Variants in EPC1 observed in about 807,000 individuals in gnomAD.
EPC1 encodes the protein enhancer of polycomb 1.
A neutral mutation model predicts 98.4 loss-of-function variants in EPC1; 12 were observed. The ratio of observed to expected loss-of-function variants is 0.12; its 90% confidence interval spans 0.08 to 0.20. The LOEUF is 0.20. Among genes scored for constraint, EPC1 ranks in the 10% least tolerant of loss-of-function variants. The pLI is 1.00. For missense variants in EPC1, 729 were observed against 990.5 expected (o/e 0.74, Z 3.54); for synonymous variants, 357 against 363.9 (o/e 0.98, Z 0.21).
Position 32,271,694 on chromosome 10 carries a change from T to C in EPC1, c.2229A>G (p.Val743=). Residue 743 remains valine, a synonymous_variant, in exon 13 of 14, where the codon GTA becomes GTG. Coordinates refer to ENST00000319778, the MANE Select transcript of EPC1 (RefSeq NM_001272004.3). ...GTGCATTTATTGGGGCAATAGAGTT[T>C]ACAGTGGCAACTGATGAAGGTACAG... ...RLTVPSSVAT[V]NSIAPINARH... 6.2e-7 allele frequency: 1 copy of C among 1,614,228 alleles called. No individual in the cohort carries two copies. The highest frequency in any genetic ancestry group is 8.5e-7 in the Non-Finnish European group (1 of 1,180,034).
rs151325447 is a variant in EPC1 at position 32,363,869 on chromosome 10, A to G, written c.3+14622T>C. 9.3e-3 allele frequency among the ~76,000 whole-genome samples: 1,410 copies of G among 152,150 alleles called. 20 individuals are homozygous for G. Among genetic ancestry groups the G allele is most frequent in the African/African-American group, 0.032 (1,346 of 41,520 alleles). On this transcript the variant is annotated intron_variant, in intron 1 of 13. Transcript: ENST00000375110. ...CAATAGCTCTTCAGCATGAATTTTG[A>G]ACTATCCTCTGTATAATGGTCTTTC...
In EPC1 at chr10:32,353,910, A is replaced by G. The variant is rs559349594; in HGVS notation, c.3+24581T>C. ...AATGACTGCAAACAATTCTTCCACC[A>G]TAACATTTAGGTAAACAAACACTGG... is the stretch of plus-strand genomic sequence containing the variant. On this transcript the variant is annotated intron_variant, in intron 1 of 13. Coordinates refer to the EPC1 transcript ENST00000375110. Among the ~76,000 whole-genome samples, 55 of 152,328 alleles carry G rather than the reference A, an allele frequency of 3.6e-4. 1 individual carries two copies. The highest frequency in any genetic ancestry group is 1.2e-3 in the African/African-American group (49 of 41,574).
rs1482922522 is a variant in EPC1 at position 32,312,595 on chromosome 10, A to AC, written c.154-6665dup. ...GTTAACCATCTCTCCCTACACCTGC[A>AC]CCCCCAATCTAAGCAACATAAGAGA... On this transcript the variant is annotated intron_variant, in intron 1 of 13. Transcript: ENST00000319778. 1.6e-4 allele frequency among the ~76,000 whole-genome samples: 25 copies of AC among 152,080 alleles called. No individual in the cohort carries two copies. In the South Asian group the frequency reaches 5.2e-3, roughly 32 times the overall value.
intron 2 of EPC1, among the ~76,000 whole-genome samples, chr10:32,300,416 T>C (rs1483544525): frequency 1.3e-5 from 2 of 150,764 alleles, no homozygotes; most frequent in African/African-American, 2.4e-5. Flanking sequence ...ATTTTTTCTA[T>C]AGTGTATCAA....
At position 32,270,930 on chromosome 10, in the gene EPC1, C is replaced by A. The variant is rs188396876; in HGVS notation, c.2369+624G>T. Among the ~76,000 whole-genome samples the A allele has an allele frequency of 3.6e-3, 537 of 149,312 alleles. 3 individuals carry two copies. The highest frequency in any genetic ancestry group is 0.013 in the African/African-American group (513 of 40,682). On this transcript the variant is annotated intron_variant, in intron 13 of 13. Coordinates refer to ENST00000319778, the MANE Select transcript of EPC1 (RefSeq NM_001272004.3). ...ACATGAGAAGCTGTGGAAAAAAAGT[C>A]ATAAAAGAAACGCTCTCAGGAGAAC...
At chr10:32,287,810 G>C (rs1257880946) in intron 6 of EPC1, among the ~76,000 whole-genome samples, 1 of 152,152 alleles carries the variant, frequency 6.6e-6, no homozygotes, top group Non-Finnish European at 1.5e-5. Flanking sequence ...TTTGTGGGCT[G>C]AACAATGTAA....
intron 10 of EPC1, chr10:32,274,163 A>G (rs1835969314): frequency 1.3e-5 from 2 of 151,996 alleles, no homozygotes; most frequent in South Asian, 4.2e-4. Flanking sequence ...TACAATCACA[A>G]TACCTCTGAT....
rs1398000036 is a variant in EPC1 at position 32,287,008 on chromosome 10, G to C, written c.1160C>G (p.Ser387Cys). The change falls in exon 8 of 14, where the codon TCT becomes TGT. Residue 387 changes from serine (S) to cysteine (C), a missense_variant. Ser to Cys is a moderately radical substitution (Grantham distance 112). Coordinates refer to ENST00000319778, the MANE Select transcript of EPC1 (RefSeq NM_001272004.3). The part of the protein sequence containing the change: ...SDEEPLSQVL[S>C]GSSEAEEDND... The stretch of plus-strand genomic sequence containing the variant: ...GTCTTCCTCAGCTTCCGAAGAGCCA[G>C]ACAAAACCTTTAAATGAAATAAAGA... 1 of 1,613,864 alleles carries C rather than the reference G, an allele frequency of 6.2e-7. No individual in the cohort carries two copies. The highest frequency in any genetic ancestry group is 8.5e-7 in the Non-Finnish European group (1 of 1,179,990).
chr10:32,356,419 G>C (rs1839278922), intron 1 of EPC1, among the ~76,000 whole-genome samples: 1 of 151,938 alleles, frequency 6.6e-6, no homozygotes, highest in African/African-American at 2.4e-5. Context: ...GACTCACTCA[G>C]GGAGTGAGAG....
chr10:32,378,513 G>T (rs956815568), exon 1 of EPC1: 10 of 1,540,472 alleles, frequency 6.5e-6, no homozygotes, highest in Admixed American at 4.0e-5. Context: ...CAAAGAAGAC[G>T]GCAGTTCTTG....
intron 1 of EPC1, among the ~76,000 whole-genome samples, chr10:32,339,877 A>C (rs2133023883): frequency 6.6e-6 from 1 of 152,376 alleles, no homozygotes. Flanking sequence ...CAATGGATAC[A>C]AAATCAAGGT....
At chr10:32,367,242 C>T (rs1315512874) in intron 1 of EPC1, among the ~76,000 whole-genome samples, 1 of 152,188 alleles carries the variant, frequency 6.6e-6, no homozygotes, top group Non-Finnish European at 1.5e-5. Context: ...CTGCCCACCT[C>T]GGCCTCCCAA....
intron 1 of EPC1, among the ~76,000 whole-genome samples, chr10:32,334,471 A>T (rs937430499): frequency 1.1e-4 from 17 of 151,966 alleles, no homozygotes; most frequent in African/African-American, 3.9e-4. Context: ...AAAAAAAAAA[A>T]AATCACACTT....
intron 1 of EPC1, among the ~76,000 whole-genome samples, chr10:32,327,089 A>ACACACACT (rs1419191485): frequency 6.6e-6 from 1 of 150,810 alleles, no homozygotes; most frequent in Non-Finnish European, 1.5e-5. Context: ...ACACACACAC[A>ACACACACT]CTCACAATGG....
Position 32,284,905 on chromosome 10 carries a change from C to T in EPC1, c.1537G>A (p.Asp513Asn). ...ATATTGACTAGTATCTGACTGAGGT[C>T]TTTAGAGAAAGATTTGTCCGAGGTA... ...TNTSDKSFSK[D>N]LSQILVNIKS... The change falls in exon 10 of 14, where the codon GAC (aspartate) becomes AAC (asparagine). Residue 513 changes from aspartate to asparagine, a missense_variant. Transcript: ENST00000319778. 1 of 1,614,128 alleles carries T rather than the reference C, an allele frequency of 6.2e-7. No homozygotes were observed.
chr10:32,318,832 C>T (rs1355729358), intron 1 of EPC1, among the ~76,000 whole-genome samples: 2 of 152,210 alleles, frequency 1.3e-5, no homozygotes, highest in East Asian at 1.9e-4. Context: ...TCTAGTATTA[C>T]ATTACTCTCC....
chr10:32,312,877 CAAAAT>C (rs887652034), intron 1 of EPC1, among the ~76,000 whole-genome samples: 7 of 151,882 alleles, frequency 4.6e-5, no homozygotes, highest in African/African-American at 1.7e-4. Flanking sequence ...AGACAAGAAA[CAAAAT>C]AAATTAGGAA....
At chr10:32,323,998 C>T (rs765370506) in intron 1 of EPC1, among the ~76,000 whole-genome samples, 2 of 152,076 alleles carry the variant, frequency 1.3e-5, no homozygotes, top group African/African-American at 2.4e-5. Flanking sequence ...AGCAGTGGCG[C>T]GATCTCGGCT....
chr10:32,345,574 G>T, intron 1 of EPC1: 2 of 985,330 alleles, frequency 2.0e-6, no homozygotes, highest in Non-Finnish European at 2.4e-6. Context: ...TGAAAACCAA[G>T]GTATGCAATT....
Sources: allele counts gnomAD v4.1 joint callset (sites outside exome capture counted in the v4.1 genomes callset), GRCh38; gene constraint gnomAD v4.1.1; transcripts MANE v1.5; gene names NCBI Gene and HGNC (gene_info 2026-07-23, HGNC 2026-07-21).